Variants in PLCB1 observed in about 807,000 individuals in gnomAD.
PLCB1 encodes the protein phospholipase C beta 1, also known as 1-phosphatidylinositol 4,5-bisphosphate phosphodiesterase beta-1.
A neutral mutation model predicts 161.8 loss-of-function variants in PLCB1; 46 were observed. The ratio of observed to expected loss-of-function variants is 0.28; its 90% CI spans 0.22 to 0.36. The LOEUF is 0.36. Ranked by LOEUF, PLCB1 falls within the 10% of genes least tolerant of loss-of-function variation. The pLI, the probability that PLCB1 is intolerant of heterozygous loss-of-function variation, is 1.00. For synonymous variants in PLCB1, 517 were observed against 503.7 expected (o/e 1.03, Z -0.35); for missense variants, 1,016 against 1,472.5 (o/e 0.69, Z 5.07).
At chr20:8,233,289 G>T (rs2123188573) in intron 2 of PLCB1, among the ~76,000 whole-genome samples, 1 of 152,272 alleles carries the variant, frequency 6.6e-6, no homozygotes, top group Non-Finnish European at 1.5e-5. Context: ...CATGATTATT[G>T]TACAGTGAGA....
intron 3 of PLCB1, among the ~76,000 whole-genome samples, chr20:8,459,805 C>T (rs931809386): frequency 4.6e-5 from 7 of 152,172 alleles, no homozygotes; most frequent in African/African-American, 1.2e-4. Context: ...GTACAACCTT[C>T]GGAGTTTCTA....
chr20:8,500,685 A>T (rs1420854676), intron 3 of PLCB1, among the ~76,000 whole-genome samples: 2 of 152,210 alleles, frequency 1.3e-5, no homozygotes, highest in Non-Finnish European at 2.9e-5. Flanking sequence ...AAGATTTACC[A>T]AACTCTTTCT....
chr20:8,649,542 G>A lies in PLCB1; in HGVS notation c.594+93G>A, dbSNP rs1325231398. The A allele has an allele frequency of 4.7e-6, 4 of 851,434 alleles. No individual in the cohort carries two copies. In the African/African-American group the frequency reaches 5.0e-5, roughly 11 times the overall value. 52.7% of individuals were successfully genotyped at this position (851,434 alleles called of 1,614,324 possible). A position where few individuals can be genotyped will look rare whatever the true frequency, so the allele number is the denominator to read the frequency against. On this transcript the variant is annotated intron_variant, in intron 7 of 31. Coordinates refer to ENST00000338037, the MANE Select transcript of PLCB1 (RefSeq NM_015192.4). ...CCCAATATGACAGTTTTGAGAGGTA[G>A]GGCCTTTAAGAGGAAATTAAGAGCT...
At chr20:8,214,226 C>T (rs1472367112) in intron 2 of PLCB1, among the ~76,000 whole-genome samples, 2 of 152,050 alleles carry the variant, frequency 1.3e-5, no homozygotes, top group African/African-American at 4.8e-5. Context: ...GCACAAATCT[C>T]CTGTTGAACT....
At chr20:8,744,964 T>C (rs961698989) in intron 23 of PLCB1, among the ~76,000 whole-genome samples, 2 of 152,210 alleles carry the variant, frequency 1.3e-5, no homozygotes, top group African/African-American at 4.8e-5. Context: ...TTTTTGTTTT[T>C]CTTTTCTTAA....
chr20:8,380,225 C>T lies in PLCB1; in HGVS notation c.246+8775C>T, dbSNP rs192795636. Among the ~76,000 whole-genome samples the T allele has an allele frequency of 2.5e-3, 377 of 152,256 alleles. 13 individuals are homozygous for T. Among genetic ancestry groups the T allele is most frequent in the Admixed American group, 0.017 (255 of 15,292 alleles). On this transcript the variant is annotated intron_variant, in intron 3 of 31. Transcript: ENST00000338037. ...AGCACCATTTATTTAATAGGAGATC[C>T]TTTCCCCATTGTTTGTTTTTGTCAG... is the stretch of plus-strand genomic sequence containing the variant.
intron 3 of PLCB1, among the ~76,000 whole-genome samples, chr20:8,506,421 T>C (rs1364421899): frequency 6.6e-6 from 1 of 152,186 alleles, no homozygotes; most frequent in Non-Finnish European, 1.5e-5. Context: ...CTGTACCCTA[T>C]ACTGAACATG....
At chr20:8,567,835 G>T (rs1440183164) in intron 3 of PLCB1, among the ~76,000 whole-genome samples, 1 of 152,140 alleles carries the variant, frequency 6.6e-6, no homozygotes, top group Non-Finnish European at 1.5e-5. Flanking sequence ...ATTTGAAGTT[G>T]TTAAAAATTT....
In PLCB1 at chr20:8,144,257, G is replaced by T. The variant is rs116416062; in HGVS notation, c.100-6037G>T. On this transcript the variant is annotated intron_variant, in intron 1 of 31. Coordinates refer to ENST00000338037, the MANE Select transcript of PLCB1 (RefSeq NM_015192.4). ...GAGCTATATGTTACTGAAATTATTGGTTTTTCTCATCTGATGCCCCCACTA... is the reference window on the plus strand; with the variant it reads ...GAGCTATATGTTACTGAAATTATTGTTTTTTCTCATCTGATGCCCCCACTA... Among the ~76,000 whole-genome samples, 347 of 152,260 alleles carry T rather than the reference G, an allele frequency of 2.3e-3. 3 individuals carry two copies. Among genetic ancestry groups the T allele is most frequent in the Middle Eastern group, 0.017 (5 of 294 alleles).
At chr20:8,739,195 C>G in intron 20 of PLCB1, 66 bp from the exon 21 acceptor site, 2 of 965,154 alleles carry the variant, frequency 2.1e-6, no homozygotes, top group Non-Finnish European at 3.4e-6. Context: ...TTGAATAATA[C>G]CTTTCTAATT....
intron 23 of PLCB1, 110 bp downstream of exon 23, chr20:8,741,683 G>A (rs1568580890): frequency 1.5e-5 from 10 of 666,360 alleles, no homozygotes; most frequent in East Asian, 2.8e-5. Context: ...TAGCACATTG[G>A]AACAACACTT....
intron 14 of PLCB1, among the ~76,000 whole-genome samples, chr20:8,718,275 A>G (rs1229963981): frequency 6.6e-6 from 1 of 152,152 alleles, no homozygotes; most frequent in Non-Finnish European, 1.5e-5. Flanking sequence ...GAACATTCCT[A>G]TTTCTGCACA....
chr20:8,732,641 T>C (rs986956981), intron 18 of PLCB1, among the ~76,000 whole-genome samples: 4 of 146,236 alleles, frequency 2.7e-5, no homozygotes, highest in African/African-American at 9.9e-5. Context: ...AAATTAGAAA[T>C]TAGATATTAG....
chr20:8,547,889 C>A (rs576836116), intron 3 of PLCB1, among the ~76,000 whole-genome samples: 11 of 152,272 alleles, frequency 7.2e-5, no homozygotes, highest in African/African-American at 2.4e-4. Context: ...TTCTACAGAC[C>A]ATTTGTTCTA....
intron 2 of PLCB1, among the ~76,000 whole-genome samples, chr20:8,358,231 G>A (rs1321328256): frequency 6.7e-6 from 1 of 149,280 alleles, no homozygotes; most frequent in Admixed American, 6.6e-5. Flanking sequence ...TGGTGGCATG[G>A]CCCATGGTTT....
chr20:8,883,559 G>A lies in PLCB1; in HGVS notation c.*1710G>A, dbSNP rs1307040874. On this transcript the variant is annotated 3_prime_UTR_variant, in exon 32 of 32. Transcript: ENST00000338037. ...ATATCTTAAAACGCAAAAACCAATT[G>A]TGTCCTGAAAATTGTTTCAAGAATT... 1 of 151,924 alleles carries A rather than the reference G, an allele frequency of 6.6e-6. No homozygotes were observed. The highest frequency in any genetic ancestry group is 1.5e-5 in the Non-Finnish European group (1 of 67,946). The allele number at this position is 151,924 out of a possible 1,614,324, so 9.4% of individuals were successfully genotyped here.
At chr20:8,785,807 C>T (rs1343431755) in intron 27 of PLCB1, among the ~76,000 whole-genome samples, 2 of 152,172 alleles carry the variant, frequency 1.3e-5, no homozygotes, top group Non-Finnish European at 2.9e-5. Context: ...GGAAACAGCA[C>T]ATGTGAGCAG....
intron 3 of PLCB1, among the ~76,000 whole-genome samples, chr20:8,583,660 T>C (rs1163293675): frequency 1.3e-5 from 2 of 152,210 alleles, no homozygotes; most frequent in African/African-American, 4.8e-5. Flanking sequence ...TTCTCCCCCA[T>C]TTCCTGCTGC....
Position 8,737,175 on chromosome 20 carries a change from C to G in PLCB1, c.2191C>G (p.Pro731Ala), listed in dbSNP as rs61755434. 1.8e-3 allele frequency: 2,959 copies of G among 1,613,564 alleles called. 37 individuals are homozygous for G. In the African/African-American group the frequency reaches 0.031, roughly 17 times the overall value. ...TGTGAATCCTGTCTGGGAAGAAGAA[C>G]CTATTGTGTTCAAAAAGGTTGGTCA... ...NAVNPVWEEE[P>A]IVFKKVVLPT... The change falls in exon 20 of 32, where the codon CCT becomes GCT. Residue 731 changes from proline (P) to alanine (A), a missense_variant. By Grantham distance (27) the Pro-to-Ala change is conservative (BLOSUM62 -1). Transcript: ENST00000338037.
Sources: allele counts gnomAD v4.1 joint callset (sites outside exome capture counted in the v4.1 genomes callset), GRCh38; gene constraint gnomAD v4.1.1; transcripts MANE v1.5; gene names NCBI Gene and HGNC (gene_info 2026-07-23, HGNC 2026-07-21).